Variants in LDLRAD4 observed in about 807,000 individuals in gnomAD.
The protein encoded by LDLRAD4 is low-density lipoprotein receptor class A domain-containing protein 4.
In LDLRAD4, 5 loss-of-function variants were observed where a neutral mutation model predicts 17.0. The observed-to-expected ratio is 0.29, with a 90% CI of 0.15 to 0.62. LDLRAD4 has a LOEUF of 0.62. Ranked by LOEUF, LDLRAD4 falls within the 20% of genes least tolerant of loss-of-function variation. The pLI is 0.84. For synonymous variants in LDLRAD4, 168 were observed against 171.8 expected (o/e 0.98, Z 0.17); for missense variants, 340 against 424.7 (o/e 0.80, Z 1.75).
intron 3 of LDLRAD4, chr18:13,461,536 T>C (rs1343768431): frequency 1.3e-5 from 2 of 152,250 alleles, no homozygotes; most frequent in South Asian, 2.1e-4. Context: ...CAGAGATTTA[T>C]TGAAAACGAA....
chr18:13,532,209 C>T (rs11665065), intron 3 of LDLRAD4, among the ~76,000 whole-genome samples: 39,304 of 152,078 alleles, frequency 0.26, 5,457 homozygotes, highest in Middle Eastern at 0.35. Context: ...GTGGACGGCT[C>T]CTGCAATTGC....
chr18:13,346,357 G>A (rs2082687339), intron 1 of LDLRAD4, among the ~76,000 whole-genome samples: 1 of 152,194 alleles, frequency 6.6e-6, no homozygotes, highest in Admixed American at 6.5e-5. Context: ...TCAGGAGCAG[G>A]TTGTTCAGTT....
At chr18:13,551,337 T>C (rs918306227) in intron 3 of LDLRAD4, among the ~76,000 whole-genome samples, 1 of 152,188 alleles carries the variant, frequency 6.6e-6, no homozygotes, top group African/African-American at 2.4e-5. Context: ...TCCTGTTGTG[T>C]GTCCTACCGA....
chr18:13,455,607 G>A (rs1446571416), intron 3 of LDLRAD4, among the ~76,000 whole-genome samples: 1 of 152,104 alleles, frequency 6.6e-6, no homozygotes, highest in Non-Finnish European at 1.5e-5. Context: ...GAGCTGGGCC[G>A]GATCACTTGA....
At chr18:13,387,660 G>T in exon 2 of LDLRAD4, 1 of 1,496,216 alleles carries the variant, frequency 6.7e-7, no homozygotes, top group Non-Finnish European at 9.3e-7. Flanking sequence ...CCTGAGCCTC[G>T]CCCGGCGGCT....
At chr18:13,578,996 C>G (rs2094818579) in intron 3 of LDLRAD4, among the ~76,000 whole-genome samples, 1 of 151,714 alleles carries the variant, frequency 6.6e-6, no homozygotes, top group South Asian at 2.1e-4. Flanking sequence ...CGAGACCATC[C>G]TGACTAACAC....
At chr18:13,462,899 C>T (rs7228903) in intron 3 of LDLRAD4, among the ~76,000 whole-genome samples, 49,608 of 152,006 alleles carry the variant, frequency 0.33, 9,598 homozygotes, top group Non-Finnish European at 0.43. Flanking sequence ...TATACTCTCA[C>T]GCGGAGATGT....
At chr18:13,508,494 C>T (rs909791255) in intron 3 of LDLRAD4, among the ~76,000 whole-genome samples, 1 of 152,206 alleles carries the variant, frequency 6.6e-6, no homozygotes, top group African/African-American at 2.4e-5. Flanking sequence ...AAATTTCTCA[C>T]TAGGGGCTAA....
intron 1 of LDLRAD4, among the ~76,000 whole-genome samples, chr18:13,234,749 C>G (rs960147572): frequency 6.6e-6 from 1 of 152,186 alleles, no homozygotes; most frequent in Non-Finnish European, 1.5e-5. Flanking sequence ...CGCCCCACCC[C>G]ATGGACTGCT....
At chr18:13,301,737 A>G (rs2046615058) in intron 1 of LDLRAD4, among the ~76,000 whole-genome samples, 1 of 152,230 alleles carries the variant, frequency 6.6e-6, no homozygotes, top group African/African-American at 2.4e-5. Context: ...ACTAGGCCCC[A>G]TTGCCCATCG....
chr18:13,578,855 T>TTTTTG (rs1400353235), intron 3 of LDLRAD4, among the ~76,000 whole-genome samples: 11 of 140,538 alleles, frequency 7.8e-5, no homozygotes, highest in African/African-American at 2.7e-4. Context: ...TTTTTTTTTT[T>TTTTTG]GTCAGAGATC....
intron 3 of LDLRAD4, among the ~76,000 whole-genome samples, chr18:13,567,577 G>T (rs2094623240): frequency 1.3e-5 from 2 of 152,156 alleles, no homozygotes; most frequent in African/African-American, 4.8e-5. Context: ...CTTCTCTGAA[G>T]ATCTGAGACT....
intron 2 of LDLRAD4, among the ~76,000 whole-genome samples, chr18:13,416,476 G>A (rs886228870): frequency 6.6e-6 from 1 of 152,178 alleles, no homozygotes; most frequent in African/African-American, 2.4e-5. Flanking sequence ...ATGTGAGCAG[G>A]GCTCGGGATC....
At chr18:13,376,859 A>G (rs1423684384) in intron 1 of LDLRAD4, among the ~76,000 whole-genome samples, 1 of 152,176 alleles carries the variant, frequency 6.6e-6, no homozygotes, top group Non-Finnish European at 1.5e-5. Flanking sequence ...TTACCAAGGC[A>G]GTGGAAATTG....
rs1263518341 is a variant in LDLRAD4 at position 13,367,780 on chromosome 18, G to A, written c.-382-19561G>A. 2.0e-5 allele frequency among the ~76,000 whole-genome samples: 3 copies of A among 151,924 alleles called. No individual in the cohort carries two copies. The highest frequency in any genetic ancestry group is 2.9e-5 in the Non-Finnish European group (2 of 67,952). ...AAGGTGTTTGCTGAGAGGGGACAGC[G>A]GGGCCTGGGGGCACGTGCTTTCAGG... On this transcript the variant is annotated intron_variant, in intron 1 of 5. Transcript: ENST00000359446. This position sits in a 1 kb window ranked among gnomAD's most constrained non-coding sequence, Gnocchi z 4.1.
intron 3 of LDLRAD4, among the ~76,000 whole-genome samples, chr18:13,458,785 C>T (rs928507121): frequency 2.0e-5 from 3 of 152,228 alleles, no homozygotes; most frequent in Non-Finnish European, 4.4e-5. Context: ...GAGGTGACCA[C>T]CAAAGAGAGA....
chr18:13,237,296 C>T (rs1267053055), intron 1 of LDLRAD4, among the ~76,000 whole-genome samples: 5 of 152,222 alleles, frequency 3.3e-5, no homozygotes, highest in Non-Finnish European at 7.3e-5. Flanking sequence ...ACCCCACGTC[C>T]TGGGCACTGG....
chr18:13,606,066 C>T (rs1044031687), intron 3 of LDLRAD4, among the ~76,000 whole-genome samples: 2 of 152,156 alleles, frequency 1.3e-5, no homozygotes, highest in Non-Finnish European at 2.9e-5. Context: ...ATCCTCCTGA[C>T]CACCCTGTGA....
chr18:13,374,536 C>T (rs1023696197), intron 1 of LDLRAD4, among the ~76,000 whole-genome samples: 7 of 152,220 alleles, frequency 4.6e-5, no homozygotes, highest in Admixed American at 1.3e-4. Flanking sequence ...ACCACATCCC[C>T]GGAATTTGCA....
Sources: gnomAD v4.1 joint callset for allele counts (sites outside exome capture counted in the v4.1 genomes callset) on GRCh38, gnomAD v4.1.1 for gene constraint, Gnocchi (gnomAD v3.1) non-coding constraint, MANE v1.5 for transcripts, NCBI Gene and HGNC (gene_info 2026-07-23, HGNC 2026-07-21) for gene names.